Variants in CEP128 observed in about 807,000 individuals in gnomAD.
CEP128 encodes centrosomal protein 128kDa.
CEP128 carries 132 observed loss-of-function variants against 156.7 expected under a neutral mutation model. The observed-to-expected ratio is 0.84, with a 90% CI of 0.73 to 0.97. The LOEUF is 0.97. Among genes scored for constraint, CEP128 ranks in the 50% least tolerant of loss-of-function variants. The pLI, the probability that CEP128 is intolerant of heterozygous loss-of-function variation, is 0.00. For missense variants in CEP128, 1,252 were observed against 1,281.9 expected (o/e 0.98, Z 0.36); for synonymous variants, 469 against 448.9 (o/e 1.04, Z -0.57).
At chr14:80,796,640 T>C (rs2139862352) in intron 13 of CEP128, among the ~76,000 whole-genome samples, 1 of 152,298 alleles carries the variant, frequency 6.6e-6, no homozygotes, top group East Asian at 1.9e-4. Flanking sequence ...CCATTTAGCC[T>C]CTTAAATCTA....
chr14:80,681,713 T>C (rs1490856784), intron 19 of CEP128, among the ~76,000 whole-genome samples: 2 of 152,206 alleles, frequency 1.3e-5, no homozygotes, highest in African/African-American at 2.4e-5. Context: ...TCCGCCGTGA[T>C]TGTAAGTTTC....
intron 19 of CEP128, among the ~76,000 whole-genome samples, chr14:80,687,059 G>T (rs1279970106): frequency 6.6e-6 from 1 of 152,034 alleles, no homozygotes; most frequent in Non-Finnish European, 1.5e-5. Flanking sequence ...AGATATTCAG[G>T]AGTTGAACAC....
intron 18 of CEP128, among the ~76,000 whole-genome samples, chr14:80,751,300 A>G (rs1566894131): frequency 6.6e-6 from 1 of 152,230 alleles, no homozygotes. Context: ...TTGAATTTGT[A>G]TGCAGAATAT....
intron 19 of CEP128, among the ~76,000 whole-genome samples, chr14:80,631,824 G>A (rs1893970534): frequency 6.6e-6 from 1 of 151,886 alleles, no homozygotes; most frequent in Admixed American, 6.6e-5. Context: ...TGTATTCCAG[G>A]GACCTCACCA....
At chr14:80,540,195 A>ACAC (rs1555372587) in intron 21 of CEP128, among the ~76,000 whole-genome samples, 274 of 87,452 alleles carry the variant, frequency 3.1e-3, no homozygotes, top group African/African-American at 0.013. Context: ...CCCTGTTCTT[A>ACAC]CACCCCCCCC....
intron 2 of CEP128, among the ~76,000 whole-genome samples, chr14:80,924,474 G>A (rs1394150261): frequency 6.6e-6 from 1 of 152,186 alleles, no homozygotes; most frequent in African/African-American, 2.4e-5. Flanking sequence ...TCATAGTCTT[G>A]ATGGGAGAGA....
intron 21 of CEP128, among the ~76,000 whole-genome samples, chr14:80,534,824 CAAAA>C (rs371773612): frequency 6.7e-5 from 4 of 60,140 alleles, no homozygotes; most frequent in South Asian, 8.0e-4. Flanking sequence ...GATTCCGTCT[CAAAA>C]AAAAAAAAAA....
At chr14:80,739,258 GCTAAGAAGCT>G (rs1373096831) in intron 19 of CEP128, among the ~76,000 whole-genome samples, 1 of 151,956 alleles carries the variant, frequency 6.6e-6, no homozygotes, top group Non-Finnish European at 1.5e-5. Flanking sequence ...AATTACAGAT[GCTAAGAAGCT>G]ACCCATCAAA....
chr14:80,563,524 CTTTTTTT>C (rs540593415), intron 20 of CEP128, among the ~76,000 whole-genome samples: 7 of 78,864 alleles, frequency 8.9e-5, no homozygotes, highest in African/African-American at 1.2e-4. Context: ...GCCTCCAAAT[CTTTTTTT>C]TTTTTTTTTT....
chr14:80,530,598 A>G (rs927495343), intron 22 of CEP128, among the ~76,000 whole-genome samples: 7 of 152,134 alleles, frequency 4.6e-5, no homozygotes, highest in African/African-American at 7.2e-5. Context: ...GTGAAAGTCT[A>G]TATCTTCCTA....
At chr14:80,900,236 T>C (rs1241295610) in intron 6 of CEP128, among the ~76,000 whole-genome samples, 1 of 152,192 alleles carries the variant, frequency 6.6e-6, no homozygotes, top group Non-Finnish European at 1.5e-5. Context: ...TATCAACACA[T>C]TTTCTACAGT....
chr14:80,678,045 A>ATATATATAT (rs1555390192), intron 19 of CEP128, among the ~76,000 whole-genome samples: 6 of 30,686 alleles, frequency 2.0e-4, no homozygotes, highest in African/African-American at 3.1e-4. Flanking sequence ...CTCTATAAAA[A>ATATATATAT]AAAAATATAT....
intron 23 of CEP128, among the ~76,000 whole-genome samples, chr14:80,509,359 T>C (rs1448214254): frequency 6.6e-5 from 10 of 152,222 alleles, no homozygotes; most frequent in Admixed American, 3.3e-4. Flanking sequence ...GGTGAGATGA[T>C]ATCTCAGAGT....
intron 19 of CEP128, among the ~76,000 whole-genome samples, chr14:80,676,723 A>AG (rs1468102986): frequency 6.6e-6 from 1 of 152,070 alleles, no homozygotes; most frequent in African/African-American, 2.4e-5. Flanking sequence ...ATTTATTAAG[A>AG]TTTTTTGTAA....
intron 19 of CEP128, among the ~76,000 whole-genome samples, chr14:80,740,449 TAC>T (rs58752743): frequency 0.052 from 7,558 of 146,052 alleles, 254 homozygotes; most frequent in African/African-American, 0.095. Flanking sequence ...TATATACACA[TAC>T]ACACACACAC....
chr14:80,906,538 A>G (rs1012531572), intron 4 of CEP128, among the ~76,000 whole-genome samples: 3 of 152,122 alleles, frequency 2.0e-5, no homozygotes, highest in African/African-American at 4.8e-5. Flanking sequence ...TACTGAAACA[A>G]TGTACACTGT....
intron 14 of CEP128, among the ~76,000 whole-genome samples, chr14:80,788,480 T>C (rs1390728096): frequency 6.6e-6 from 1 of 151,994 alleles, no homozygotes; most frequent in African/African-American, 2.4e-5. Context: ...AACAAAACTC[T>C]CTGCTTTTAG....
At chr14:80,571,499 A>G (rs971875897) in intron 20 of CEP128, among the ~76,000 whole-genome samples, 1 of 152,244 alleles carries the variant, frequency 6.6e-6, no homozygotes, top group African/African-American at 2.4e-5. Flanking sequence ...CTAGAATAGT[A>G]CATGTAATGC....
chr14:80,886,237 C>A (rs1054834356), intron 8 of CEP128, among the ~76,000 whole-genome samples: 1 of 152,100 alleles, frequency 6.6e-6, no homozygotes, highest in South Asian at 2.1e-4. Context: ...CTTCCCCAAC[C>A]TAGCAAGACA....
Sources: gnomAD v4.1 joint callset for allele counts (sites outside exome capture counted in the v4.1 genomes callset) on GRCh38, gnomAD v4.1.1 for gene constraint, MANE v1.5 for transcripts, NCBI Gene and HGNC (gene_info 2026-07-23, HGNC 2026-07-21) for gene names.